B3GALT5: variants seen among roughly 807,000 people sequenced by gnomAD.
The protein encoded by B3GALT5 is UDP-Gal:betaGlcNAc beta 1,3-galactosyltransferase, polypeptide 5.
For synonymous variants in B3GALT5, 156 were observed against 158.6 expected (o/e 0.98, Z 0.12); for missense variants, 328 against 396.6 (o/e 0.83, Z 1.47).
intron 1 of B3GALT5, among the ~76,000 whole-genome samples, chr21:39,622,346 A>G (rs1057053276): frequency 4.6e-5 from 7 of 152,132 alleles, no homozygotes; most frequent in Non-Finnish European, 7.4e-5. Context: ...CACGTTTCTA[A>G]AAGAAATGTG....
chr21:39,639,607 G>A (rs1285387377), intron 1 of B3GALT5, among the ~76,000 whole-genome samples: 1 of 151,382 alleles, frequency 6.6e-6, no homozygotes, highest in South Asian at 2.1e-4. Flanking sequence ...AGCCTCCTGA[G>A]TAGCTGGGAT....
At chr21:39,655,514 A>G (rs186017212) in intron 2 of B3GALT5, among the ~76,000 whole-genome samples, 1 of 152,016 alleles carries the variant, frequency 6.6e-6, no homozygotes, top group Non-Finnish European at 1.5e-5. Flanking sequence ...GTGACTTCTT[A>G]ATTACTTAGA....
chr21:39,652,216 T>A (rs1395165449), intron 2 of B3GALT5, among the ~76,000 whole-genome samples: 1 of 152,220 alleles, frequency 6.6e-6, no homozygotes, highest in Admixed American at 6.5e-5. Context: ...TGAGCCAGGA[T>A]TGAGGCACTC....
chr21:39,648,453 C>T (rs572080458), intron 2 of B3GALT5, among the ~76,000 whole-genome samples: 3 of 152,234 alleles, frequency 2.0e-5, no homozygotes, highest in South Asian at 2.1e-4. Context: ...CAGGTGAGGT[C>T]GTCTTCTCTA....
chr21:39,651,806 A>G (rs1314478558), intron 2 of B3GALT5, among the ~76,000 whole-genome samples: 2 of 152,164 alleles, frequency 1.3e-5, no homozygotes, highest in African/African-American at 4.8e-5. Flanking sequence ...GCTGGAAATC[A>G]TTGTTAAATG....
chr21:39,629,443 G>T (rs573990464), intron 1 of B3GALT5, among the ~76,000 whole-genome samples: 55 of 152,318 alleles, frequency 3.6e-4, no homozygotes, highest in African/African-American at 1.3e-3. Context: ...TGAGTGCATA[G>T]TGCATATTTA....
intron 1 of B3GALT5, among the ~76,000 whole-genome samples, chr21:39,637,706 G>A (rs549861660): frequency 1.6e-4 from 25 of 152,328 alleles, no homozygotes; most frequent in South Asian, 4.1e-4. Flanking sequence ...CCCACCTGCC[G>A]TGGCTTTTCT....
chr21:39,646,128 G>A (rs1048353360), intron 1 of B3GALT5, among the ~76,000 whole-genome samples: 1 of 152,014 alleles, frequency 6.6e-6, no homozygotes, highest in African/African-American at 2.4e-5. Flanking sequence ...GTCTCCTGCT[G>A]GTGTGGAAAG....
chr21:39,622,339 G>A (rs754684830), intron 1 of B3GALT5, among the ~76,000 whole-genome samples: 9 of 151,960 alleles, frequency 5.9e-5, no homozygotes, highest in Non-Finnish European at 2.9e-5. Context: ...TTGGTTACAC[G>A]TTTCTAAAAG....
chr21:39,643,846 G>A (rs2146202772), intron 1 of B3GALT5, among the ~76,000 whole-genome samples: 1 of 152,282 alleles, frequency 6.6e-6, no homozygotes, highest in South Asian at 2.1e-4. Context: ...GTGTGCAGGG[G>A]GAGTATGAGT....
Position 39,661,238 on chromosome 21 carries a change from A to C in B3GALT5, c.679A>C (p.Ser227Arg). The change falls in exon 4 of 4, where the codon AGT (serine) becomes CGT (arginine). Residue 227 changes from serine to arginine, a missense_variant. Physicochemically the swap from Ser to Arg is moderately radical, Grantham distance 110 (BLOSUM62 -1). Transcript: ENST00000684187. The surrounding 1 kb of genome is among the most constrained non-coding windows in gnomAD (Gnocchi z 4.7). ...CTACGTGTTTTCTGGCGACGTGGCGAGTCAGGTGTACAATGTCTCCAAGAG... is the reference window on the plus strand; with the variant it reads ...CTACGTGTTTTCTGGCGACGTGGCGCGTCAGGTGTACAATGTCTCCAAGAG... Reference protein sequence around the residue: ...TGYVFSGDVASQVYNVSKSVP... With the variant: ...TGYVFSGDVARQVYNVSKSVP... 1 of 1,614,174 alleles carries C rather than the reference A, an allele frequency of 6.2e-7. No homozygotes were observed. Among genetic ancestry groups the C allele is most frequent in the South Asian group, 1.1e-5 (1 of 91,078 alleles).
chr21:39,624,332 G>T (rs2079152703), intron 1 of B3GALT5, among the ~76,000 whole-genome samples: 1 of 152,274 alleles, frequency 6.6e-6, no homozygotes, highest in African/African-American at 2.4e-5. Flanking sequence ...GGTGCTGCTT[G>T]TATATTTTTG....
rs2079538871 is a variant in B3GALT5, at chr21:39,662,532, C to A, written c.*1040C>A. 1 of 167,154 alleles carries A rather than the reference C, an allele frequency of 6.0e-6. No individual in the cohort carries two copies. Among genetic ancestry groups the A allele is most frequent in the Non-Finnish European group, 1.5e-5 (1 of 68,130 alleles). 10.4% of individuals were successfully genotyped at this position (167,154 alleles called of 1,614,324 possible). On this transcript the variant is annotated 3_prime_UTR_variant, in exon 4 of 4. Coordinates refer to ENST00000684187, the MANE Select transcript of B3GALT5 (RefSeq NM_001356336.2). ...CGGGCTCAGAGCCCTAAAGTGGGCC[C>A]TGGTGAAGCAGGGTGGTCCTGCGTC...
intron 2 of B3GALT5, among the ~76,000 whole-genome samples, chr21:39,649,268 C>T (rs1438765721): frequency 6.6e-6 from 1 of 152,200 alleles, no homozygotes; most frequent in African/African-American, 2.4e-5. Flanking sequence ...GGCCAGAGCC[C>T]AGACTGCTCA....
At chr21:39,647,576 T>G (rs941527259) in intron 2 of B3GALT5, among the ~76,000 whole-genome samples, 2 of 152,012 alleles carry the variant, frequency 1.3e-5, no homozygotes, top group Non-Finnish European at 2.9e-5. Context: ...CTTTAACTCC[T>G]GAGCTCAAGC....
intron 1 of B3GALT5, among the ~76,000 whole-genome samples, chr21:39,615,551 A>G (rs1311730448): frequency 2.0e-5 from 3 of 152,252 alleles, no homozygotes; most frequent in African/African-American, 7.2e-5. Context: ...AGAGTGGCTG[A>G]TCATTCATTC....
At chr21:39,640,959 C>A (rs529536796) in intron 1 of B3GALT5, among the ~76,000 whole-genome samples, 39 of 151,986 alleles carry the variant, frequency 2.6e-4, no homozygotes, top group African/African-American at 9.2e-4. Flanking sequence ...AGGCTGGTGT[C>A]GTCTCGAACT....
intron 1 of B3GALT5, among the ~76,000 whole-genome samples, chr21:39,635,304 C>T (rs138660270): frequency 7.1e-4 from 108 of 152,108 alleles, no homozygotes; most frequent in African/African-American, 2.6e-3. Flanking sequence ...GCAAGATGTG[C>T]CATGGAGAGT....
intron 1 of B3GALT5, among the ~76,000 whole-genome samples, chr21:39,626,901 T>C (rs546410950): frequency 6.6e-6 from 1 of 152,330 alleles, no homozygotes; most frequent in East Asian, 1.9e-4. Context: ...TCTACTTTCC[T>C]AGGCCAATCA....
Sources: gnomAD v4.1 joint callset for allele counts (sites outside exome capture counted in the v4.1 genomes callset) on GRCh38, gnomAD v4.1.1 for gene constraint, Gnocchi (gnomAD v3.1) non-coding constraint, MANE v1.5 for transcripts, NCBI Gene and HGNC (gene_info 2026-07-23, HGNC 2026-07-21) for gene names.